FSIP2: variants seen among roughly 807,000 people sequenced by gnomAD.
FSIP2 encodes fibrous sheath interacting protein 2.
A neutral mutation model predicts 510.5 loss-of-function variants in FSIP2; 367 were observed. That is an observed-to-expected ratio of 0.72 (90% CI 0.66 to 0.78). The LOEUF (loss-of-function observed/expected upper bound fraction) is 0.78. Ranked by LOEUF, FSIP2 falls within the 30% of genes least tolerant of loss-of-function variation. FSIP2 has a pLI of 0.00. For synonymous variants in FSIP2, 2,601 were observed against 2,732.2 expected (o/e 0.95, Z 1.50); for missense variants, 7,594 against 7,901.7 (o/e 0.96, Z 1.48).
At chr2:185,782,786 TA>T in intron 14 of FSIP2, 24 bp downstream of exon 14, 1 of 1,154,274 alleles carries the variant, frequency 8.7e-7, no homozygotes, top group Non-Finnish European at 1.3e-6. Context: ...GAATTATATA[TA>T]ATCATAACTA....
intron 7 of FSIP2, among the ~76,000 whole-genome samples, chr2:185,751,050 C>A (rs1692136737): frequency 6.6e-6 from 1 of 151,436 alleles, no homozygotes; most frequent in African/African-American, 2.4e-5. Context: ...AAAAAAACTT[C>A]TTTCTACTGT....
At chr2:185,758,083 CAT>C (rs1311556463) in intron 9 of FSIP2, among the ~76,000 whole-genome samples, 1 of 151,190 alleles carries the variant, frequency 6.6e-6, no homozygotes, top group Non-Finnish European at 1.5e-5. Flanking sequence ...TAAATGGAAT[CAT>C]ACATTATGTA....
intron 12 of FSIP2, 108 bp downstream of exon 12, chr2:185,763,397 T>C (rs1386038412): frequency 7.8e-6 from 5 of 644,716 alleles, no homozygotes; most frequent in Non-Finnish European, 1.4e-5. Flanking sequence ...ACAAAACAAC[T>C]TTATTCCCTG....
At chr2:185,745,714 A>G (rs1692015767) in intron 5 of FSIP2, 146 bp downstream of exon 5, 1 of 726,946 alleles carries the variant, frequency 1.4e-6, no homozygotes, top group Non-Finnish European at 2.0e-6. Flanking sequence ...TGAAACCAAG[A>G]GGTGGAAGAA....
chr2:185,785,685 T>C (rs10931198), intron 14 of FSIP2, among the ~76,000 whole-genome samples: 82,622 of 151,796 alleles, frequency 0.54, 22,745 homozygotes, highest in South Asian at 0.64. Flanking sequence ...TAGAATATTG[T>C]CATACACATA....
chr2:185,771,940 G>A (rs895157698), intron 13 of FSIP2, among the ~76,000 whole-genome samples: 9 of 152,120 alleles, frequency 5.9e-5, no homozygotes, highest in African/African-American at 1.7e-4. Flanking sequence ...ATCATTTCTC[G>A]AATGCTTTGC....
chr2:185,793,244 T>C lies in FSIP2; in HGVS notation c.6108T>C (p.Ser2036=). ...FLTHDIGISE[S]IASQIVNALL... ...CTCATGACATTGGGATTTCTGAAAG[T>C]ATTGCAAGTCAAATTGTTAACGCAT... The change falls in exon 16 of 23, where the codon AGT becomes AGC. Residue 2036 remains serine (S), a synonymous_variant. Transcript: ENST00000424728. 6.5e-7 allele frequency: 1 copy of C among 1,534,156 alleles called. No homozygotes were observed. The highest frequency in any genetic ancestry group is 2.4e-5 in the East Asian group (1 of 40,834).
chr2:185,784,650 T>C (rs929870460), intron 14 of FSIP2, among the ~76,000 whole-genome samples: 1 of 152,096 alleles, frequency 6.6e-6, no homozygotes, highest in Non-Finnish European at 1.5e-5. Context: ...ACTATGTTGC[T>C]ATGATTTCAG....
chr2:185,747,375 G>A lies in FSIP2; in HGVS notation c.822G>A (p.Glu274=), dbSNP rs1692054451. The change falls in exon 7 of 23, where the codon GAG becomes GAA. Residue 274 remains glutamate, a synonymous_variant. Transcript: ENST00000424728. ...TGGCAGAAGATGTTAAAAGAGAAGA[G>A]AGGATAGAAGAACAACAGCATAGAA... is the stretch of plus-strand genomic sequence containing the variant. ...TRMAEDVKRE[E]RIEEQQHRNR... The A allele has an allele frequency of 1.3e-6, 2 of 1,532,872 alleles. No individual in the cohort carries two copies. The highest frequency in any genetic ancestry group is 1.2e-5 in the South Asian group (1 of 83,966). The allele number at this position is 1,532,872 out of a possible 1,614,324, so 95.0% of individuals were successfully genotyped here.
chr2:185,818,221 A>G (rs1693857997), intron 19 of FSIP2, among the ~76,000 whole-genome samples: 1 of 151,976 alleles, frequency 6.6e-6, no homozygotes, highest in Non-Finnish European at 1.5e-5. Flanking sequence ...AAACTTGGAG[A>G]GACAGAAGAA....
chr2:185,768,451 A>G (rs1692540767), intron 13 of FSIP2, among the ~76,000 whole-genome samples: 2 of 152,182 alleles, frequency 1.3e-5, no homozygotes, highest in South Asian at 4.1e-4. Flanking sequence ...GATGTGAGGT[A>G]AGGGTCCAAT....
chr2:185,816,181 T>C (rs1406961477), intron 19 of FSIP2, among the ~76,000 whole-genome samples: 1 of 132,928 alleles, frequency 7.5e-6, no homozygotes, highest in Non-Finnish European at 1.6e-5. Context: ...ACTCATGTTA[T>C]ACACAGAAAA....
intron 4 of FSIP2, chr2:185,744,863 T>C (rs940675518): frequency 6.5e-6 from 1 of 152,768 alleles, no homozygotes; most frequent in African/African-American, 2.4e-5. Context: ...AATGTTGTTC[T>C]TGAATGTGAA....
At position 185,799,750 on chromosome 2, in the gene FSIP2, T is replaced by G. The variant is rs1387206433; in HGVS notation, c.10444T>G (p.Ser3482Ala). 2.9e-5 allele frequency: 44 copies of G among 1,496,604 alleles called. No individual in the cohort carries two copies. Among genetic ancestry groups the G allele is most frequent in the Non-Finnish European group, 3.7e-5 (42 of 1,126,410 alleles). 92.7% of individuals were successfully genotyped at this position (1,496,604 alleles called of 1,614,324 possible). ...TACATGGTCAAGGAAAAAATATGAA[T>G]CAAAACAGTTCCTAAGAAACATATA... is the stretch of plus-strand genomic sequence containing the variant. ...VSTWSRKKYE[S>A]KQFLRNIYDD... Residue 3482 changes from serine (S) to alanine (A), a missense_variant, in exon 17 of 23, where the codon TCA becomes GCA. Coordinates refer to ENST00000424728, the MANE Select transcript of FSIP2 (RefSeq NM_173651.4).
In FSIP2 at chr2:185,747,354, A is replaced by G; in HGVS notation, c.801A>G (p.Ala267=). 1 of 1,533,058 alleles carries G rather than the reference A, an allele frequency of 6.5e-7. No individual in the cohort carries two copies. Among genetic ancestry groups the G allele is most frequent in the Non-Finnish European group, 8.7e-7 (1 of 1,144,124 alleles). 95.0% of individuals were successfully genotyped at this position (1,533,058 alleles called of 1,614,324 possible). Residue 267 remains alanine (A), a synonymous_variant, in exon 7 of 23, where the codon GCA becomes GCG. Coordinates refer to ENST00000424728, the MANE Select transcript of FSIP2 (RefSeq NM_173651.4). ...TKEMLLLTRM[A]EDVKREERIE... is the part of the protein sequence containing the mutation. ...AGATGTTACTTCTGACAAGGATGGC[A>G]GAAGATGTTAAAAGAGAAGAGAGGA...
rs1304752892 is a variant in FSIP2, at chr2:185,806,373, A to G, written c.17067A>G (p.Leu5689=). Residue 5689 remains leucine, a synonymous_variant, in exon 17 of 23, where the codon TTA becomes TTG. Coordinates refer to ENST00000424728, the MANE Select transcript of FSIP2 (RefSeq NM_173651.4). ...TTGAAAATATTTTTGAAGATGTTTT[A>G]GAACTATCTTCTTCTCCAGAACCAG... ...NVIENIFEDV[L]ELSSSPEPAY... 4 of 1,611,260 alleles carry G rather than the reference A, an allele frequency of 2.5e-6. No homozygotes were observed. Among genetic ancestry groups the G allele is most frequent in the Non-Finnish European group, 3.4e-6 (4 of 1,178,464 alleles).
intron 9 of FSIP2, among the ~76,000 whole-genome samples, chr2:185,758,054 T>C (rs2105551651): frequency 6.6e-6 from 1 of 151,370 alleles, no homozygotes; most frequent in East Asian, 1.9e-4. Flanking sequence ...TAGTTCATTT[T>C]CTGTTGGAGA....
rs1237799426 is a variant in FSIP2 at position 185,797,170 on chromosome 2, G to A, written c.10034G>A (p.Ser3345Asn). 6 of 1,534,756 alleles carry A rather than the reference G, an allele frequency of 3.9e-6. No individual in the cohort carries two copies. Among genetic ancestry groups the A allele is most frequent in the African/African-American group, 1.4e-5 (1 of 72,868 alleles). ...NTVLSSCGFP[S>N]QPHTNENREI... ...GTGCTATCCAGCTGTGGCTTTCCAAGTCAACCACACACTAATGAGAACAGG... is the reference window on the plus strand; with the variant it reads ...GTGCTATCCAGCTGTGGCTTTCCAAATCAACCACACACTAATGAGAACAGG... The change falls in exon 16 of 23, where the codon AGT becomes AAT. Residue 3345 changes from serine to asparagine, a missense_variant. Physicochemically the swap from Ser to Asn is conservative, Grantham distance 46. Transcript: ENST00000424728.
chr2:185,799,508 C>T (rs1693372715), intron 16 of FSIP2, among the ~76,000 whole-genome samples, 189 bp from the exon 17 acceptor site: 2 of 151,616 alleles, frequency 1.3e-5, no homozygotes, highest in South Asian at 4.1e-4. Flanking sequence ...AATTTATTGG[C>T]TAAAATTAAG....
Sources: gnomAD v4.1 joint callset for allele counts (sites outside exome capture counted in the v4.1 genomes callset) on GRCh38, gnomAD v4.1.1 for gene constraint, MANE v1.5 for transcripts, NCBI Gene and HGNC (gene_info 2026-07-23, HGNC 2026-07-21) for gene names.